Variants in MIR2052HG observed in about 807,000 individuals in gnomAD.
MIR2052HG encodes MIR2052 host gene.
intron 4 of MIR2052HG, among the ~76,000 whole-genome samples, chr8:74,722,218 G>T (rs1056500213): frequency 6.6e-6 from 1 of 152,164 alleles, no homozygotes; most frequent in Non-Finnish European, 1.5e-5. Flanking sequence ...CTATGTTTAT[G>T]AAAGAAAGAG....
At chr8:74,671,257 A>G (rs1256430789) in intron 2 of MIR2052HG, among the ~76,000 whole-genome samples, 1 of 152,172 alleles carries the variant, frequency 6.6e-6, no homozygotes, top group Non-Finnish European at 1.5e-5. Context: ...TAGGATAGCT[A>G]GAAGAAACTC....
Position 74,602,815 on chromosome 8 carries a change from G to GTCTTTCTTTCTTTCTT in MIR2052HG, n.128+2908_128+2909insCTTTCTTTCTTTCTTT, listed in dbSNP as rs1338395340. 4.4e-3 allele frequency among the ~76,000 whole-genome samples: 100 copies of GTCTTTCTTTCTTTCTT among 22,554 alleles called. 1 individual carries two copies. Among genetic ancestry groups the GTCTTTCTTTCTTTCTT allele is most frequent in the African/African-American group, 9.7e-3 (48 of 4,962 alleles). 14.8% of individuals were successfully genotyped at this position (22,554 alleles called of 152,430 possible). ...TGGATGTGAGCTGCCATGCCCGGCC[G>GTCTTTCTTTCTTTCTT]TGTTTCTTTCTTTCTTTCTTTCTTT... On this transcript the variant is annotated intron_variant and non_coding_transcript_variant, in intron 1 of 6. Coordinates refer to ENST00000523442, the Ensembl canonical transcript of MIR2052HG.
chr8:74,671,113 C>CGT (rs34920389), intron 2 of MIR2052HG, among the ~76,000 whole-genome samples: 13,404 of 148,468 alleles, frequency 0.09, 1,139 homozygotes, highest in African/African-American at 0.23. Context: ...TGAGAGTGTA[C>CGT]GTGTGTGTGT....
intron 4 of MIR2052HG, among the ~76,000 whole-genome samples, chr8:74,737,396 G>A (rs1809778860): frequency 6.6e-6 from 1 of 152,128 alleles, no homozygotes; most frequent in African/African-American, 2.4e-5. Flanking sequence ...CCACACTGTG[G>A]AGTATACTTC....
At chr8:74,624,458 T>C (rs1808408560) in intron 2 of MIR2052HG, among the ~76,000 whole-genome samples, 1 of 152,268 alleles carries the variant, frequency 6.6e-6, no homozygotes, top group South Asian at 2.1e-4. Context: ...CATTTGCTTA[T>C]AATCATGTTC....
intron 1 of MIR2052HG, chr8:74,603,776 CA>C: frequency 1.2e-6 from 1 of 846,042 alleles, no homozygotes; most frequent in Non-Finnish European, 2.1e-6. Flanking sequence ...TTGACACACT[CA>C]ATGATGGATT....
At chr8:74,712,176 C>T (rs1809474733) in intron 4 of MIR2052HG, among the ~76,000 whole-genome samples, 1 of 152,014 alleles carries the variant, frequency 6.6e-6, no homozygotes, top group South Asian at 2.1e-4. Flanking sequence ...GTGGTAATAC[C>T]CACTGTGTAG....
chr8:74,758,102 A>C (rs1450158236), intron 5 of MIR2052HG: 1 of 152,132 alleles, frequency 6.6e-6, no homozygotes, highest in Non-Finnish European at 1.5e-5. Context: ...TTCTAGTTTT[A>C]TCTTTCAGAA....
At chr8:74,602,319 G>A (rs4735715) in intron 1 of MIR2052HG, among the ~76,000 whole-genome samples, 111,063 of 152,066 alleles carry the variant, frequency 0.73, 41,461 homozygotes, top group African/African-American at 0.9. Context: ...TGCAAATGCC[G>A]TGGCAAGGTA....
chr8:74,639,161 T>A (rs561243237), intron 2 of MIR2052HG, among the ~76,000 whole-genome samples: 1 of 152,324 alleles, frequency 6.6e-6, no homozygotes, highest in Non-Finnish European at 1.5e-5. Context: ...GCTTGATTTG[T>A]CATGGGTGAT....
At chr8:74,684,954 G>A (rs1286908385) in intron 2 of MIR2052HG, among the ~76,000 whole-genome samples, 10 of 152,054 alleles carry the variant, frequency 6.6e-5, no homozygotes, top group Admixed American at 2.6e-4. Context: ...ACTTTACAGC[G>A]AGACAAATCT....
chr8:74,690,387 A>G (rs974028290), intron 2 of MIR2052HG, among the ~76,000 whole-genome samples: 1 of 152,204 alleles, frequency 6.6e-6, no homozygotes, highest in African/African-American at 2.4e-5. Context: ...TAATGTACAG[A>G]GGCAGGAATT....
chr8:74,604,367 G>C (rs912278032), intron 1 of MIR2052HG: 1 of 491,610 alleles, frequency 2.0e-6, no homozygotes, highest in Non-Finnish European at 3.8e-6. Flanking sequence ...GGCTGGAAGG[G>C]GAAGGGCGGG....
At chr8:74,609,947 C>A (rs1404483027) in intron 1 of MIR2052HG, 2 of 151,248 alleles carry the variant, frequency 1.3e-5, no homozygotes, top group Non-Finnish European at 3.0e-5. Context: ...ATCGAAACTT[C>A]CAGCTAGTGC....
At chr8:74,686,687 G>T (rs571158740) in intron 2 of MIR2052HG, among the ~76,000 whole-genome samples, 1 of 152,082 alleles carries the variant, frequency 6.6e-6, no homozygotes, top group African/African-American at 2.4e-5. Flanking sequence ...GTTAAGTAAG[G>T]CATATATGTA....
At chr8:74,716,193 C>CG (rs1000796342) in intron 4 of MIR2052HG, among the ~76,000 whole-genome samples, 1 of 151,858 alleles carries the variant, frequency 6.6e-6, no homozygotes, top group African/African-American at 2.4e-5. Context: ...AGTCTCCTCT[C>CG]GCACTTATCT....
At chr8:74,658,194 G>C (rs1808825934) in intron 2 of MIR2052HG, among the ~76,000 whole-genome samples, 1 of 152,036 alleles carries the variant, frequency 6.6e-6, no homozygotes, top group Non-Finnish European at 1.5e-5. Context: ...CTTGCATTTA[G>C]AATTTCATCT....
intron 4 of MIR2052HG, among the ~76,000 whole-genome samples, chr8:74,720,110 A>C (rs1809560859): frequency 6.6e-6 from 1 of 151,964 alleles, no homozygotes; most frequent in Admixed American, 6.6e-5. Context: ...CGGCCTCCCA[A>C]AGTGTTGGGA....
intron 2 of MIR2052HG, among the ~76,000 whole-genome samples, chr8:74,651,026 T>C (rs1808745724): frequency 6.6e-6 from 1 of 152,186 alleles, no homozygotes; most frequent in Admixed American, 6.5e-5. Context: ...TGGATAAAAA[T>C]GCTTTTGTTT....
Sources: gnomAD v4.1 joint callset for allele counts (sites outside exome capture counted in the v4.1 genomes callset) on GRCh38, gnomAD v4.1.1 for gene constraint, MANE v1.5 for transcripts, NCBI Gene and HGNC (gene_info 2026-07-23, HGNC 2026-07-21) for gene names.